Variants in PARD3 observed in about 807,000 individuals in gnomAD.
The protein encoded by PARD3 is partitioning defective 3 homolog.
Under a neutral mutation model 155.4 loss-of-function variants are expected in PARD3, and 75 were observed. The ratio of observed to expected loss-of-function variants is 0.48; its 90% CI spans 0.40 to 0.58. The LOEUF is 0.58. Among genes scored for constraint, PARD3 ranks in the 20% least tolerant of loss-of-function variants. PARD3 has a pLI of 0.00. For synonymous variants in PARD3, 576 were observed against 610.5 expected (o/e 0.94, Z 0.83); for missense variants, 1,642 against 1,721.7 (o/e 0.95, Z 0.82).
At chr10:34,546,978 C>T (rs1016835360) in intron 2 of PARD3, among the ~76,000 whole-genome samples, 1 of 152,186 alleles carries the variant, frequency 6.6e-6, no homozygotes, top group Non-Finnish European at 1.5e-5. Flanking sequence ...AAAAGCAATA[C>T]TTCTTAAATG....
intron 1 of PARD3, among the ~76,000 whole-genome samples, chr10:34,742,658 T>TA (rs1208233977): frequency 2.0e-5 from 3 of 152,252 alleles, no homozygotes; most frequent in Non-Finnish European, 4.4e-5. Context: ...AGGGTTGATC[T>TA]ACCCACATCC....
intron 23 of PARD3, among the ~76,000 whole-genome samples, chr10:34,127,525 G>C (rs143455343): frequency 7.9e-4 from 120 of 151,986 alleles, no homozygotes; most frequent in African/African-American, 2.8e-3. Context: ...TTTTCTTTTC[G>C]ATCTTTGTTC....
chr10:34,759,337 T>C (rs1176333103), intron 1 of PARD3, among the ~76,000 whole-genome samples: 2 of 152,200 alleles, frequency 1.3e-5, no homozygotes, highest in Non-Finnish European at 2.9e-5. Flanking sequence ...ATGTACATAA[T>C]ATTTAATCAA....
At position 34,348,092 on chromosome 10, in the gene PARD3, A is replaced by G. The variant is rs751785016; in HGVS notation, c.2091T>C (p.Pro697=). 14 of 1,610,382 alleles carry G rather than the reference A, an allele frequency of 8.7e-6. No individual in the cohort carries two copies. The East Asian group carries it at 2.7e-4, about 31-fold the overall frequency. ...CNELKSPGSP[P]GPELPIETAL... ...CTGTTTCAATGGGCAGCTCAGGTCC[A>G]GGGGGGCTCCCAGGTGACTTCAGCT... The change falls in exon 15 of 25, where the codon CCT becomes CCC. Residue 697 remains proline (P), a synonymous_variant. Coordinates refer to ENST00000374788, the MANE Select transcript of PARD3 (RefSeq NM_001184785.2).
chr10:34,378,741 A>G (rs770442290), intron 9 of PARD3, among the ~76,000 whole-genome samples: 6 of 152,202 alleles, frequency 3.9e-5, no homozygotes, highest in Admixed American at 6.5e-5. Context: ...CAAACAAGGC[A>G]AATTACTCAG....
intron 22 of PARD3, among the ~76,000 whole-genome samples, chr10:34,175,390 A>G (rs1221001290): frequency 3.3e-5 from 5 of 152,208 alleles, no homozygotes; most frequent in African/African-American, 1.2e-4. Context: ...TGCCTGTGTC[A>G]GAACCCAAAG....
chr10:34,372,392 C>CG, intron 12 of PARD3, 106 bp downstream of exon 12: 1 of 876,462 alleles, frequency 1.1e-6, no homozygotes, highest in South Asian at 1.4e-5. Context: ...TTAAATATTA[C>CG]GAGCCAGGAA....
chr10:34,481,034 T>C (rs1191870112), intron 3 of PARD3, among the ~76,000 whole-genome samples: 1 of 151,960 alleles, frequency 6.6e-6, no homozygotes, highest in African/African-American at 2.4e-5. Context: ...ACTCCTGACC[T>C]CAGGTGATCC....
intron 20 of PARD3, among the ~76,000 whole-genome samples, chr10:34,307,853 A>G (rs1329526818): frequency 6.6e-6 from 1 of 152,174 alleles, no homozygotes; most frequent in Non-Finnish European, 1.5e-5. Flanking sequence ...GTCAATGTCA[A>G]TGTATATTTA....
Position 34,425,503 on chromosome 10 carries a change from C to T in PARD3, c.715-23586G>A, listed in dbSNP as rs553686495. ...CTCGAACTCCTGGGCTCAAGGGATCCTCTCACTTCAGCCTTCCTAGCAGCT... is the reference window on the plus strand; with the variant it reads ...CTCGAACTCCTGGGCTCAAGGGATCTTCTCACTTCAGCCTTCCTAGCAGCT... On this transcript the variant is annotated intron_variant, in intron 5 of 24. Transcript: ENST00000374788. Among the ~76,000 whole-genome samples, 4 of 152,264 alleles carry T rather than the reference C, an allele frequency of 2.6e-5. No homozygotes were observed. In the South Asian group the frequency reaches 8.3e-4, roughly 32 times the overall value.
intron 22 of PARD3, among the ~76,000 whole-genome samples, chr10:34,166,118 T>C (rs376058857): frequency 6.6e-6 from 1 of 152,182 alleles, no homozygotes; most frequent in African/African-American, 2.4e-5. Context: ...GCTGATAAAA[T>C]ATGAAGCTTT....
In PARD3 at chr10:34,651,682, G is replaced by A. The variant is rs544805269; in HGVS notation, c.222+44636C>T. ...TACAGTATGCTGGTAAGAGACCCGA[G>A]CTTTGCAAAAACTGTATCATATTAG... is the stretch of plus-strand genomic sequence containing the variant. On this transcript the variant is annotated intron_variant, in intron 2 of 24. Transcript: ENST00000374788. Among the ~76,000 whole-genome samples, 78 of 152,304 alleles carry A rather than the reference G, an allele frequency of 5.1e-4. 1 individual carries two copies. The highest frequency in any genetic ancestry group is 3.5e-3 in the South Asian group (17 of 4,830).
chr10:34,237,850 G>A (rs1953335053), intron 22 of PARD3, among the ~76,000 whole-genome samples: 1 of 152,060 alleles, frequency 6.6e-6, no homozygotes, highest in South Asian at 2.1e-4. Flanking sequence ...CTCCTGGCTT[G>A]GCTTCACACT....
At chr10:34,685,596 CTT>C (rs11407073) in intron 2 of PARD3, among the ~76,000 whole-genome samples, 14 of 145,808 alleles carry the variant, frequency 9.6e-5, no homozygotes, top group Non-Finnish European at 1.5e-4. Context: ...TTCCCGCAAT[CTT>C]TTTTTTTTTT....
chr10:34,358,110 T>C (rs998245716), intron 14 of PARD3, among the ~76,000 whole-genome samples: 1 of 152,196 alleles, frequency 6.6e-6, no homozygotes, highest in African/African-American at 2.4e-5. Flanking sequence ...TAAGAAAAAC[T>C]TCACATTTTC....
intron 2 of PARD3, among the ~76,000 whole-genome samples, chr10:34,609,610 A>G (rs1057142267): frequency 2.6e-5 from 4 of 152,176 alleles, no homozygotes; most frequent in African/African-American, 9.7e-5. Context: ...GGGCACAATC[A>G]TAGCTCGCTG....
intron 20 of PARD3, among the ~76,000 whole-genome samples, chr10:34,306,237 C>T (rs11009723): frequency 0.015 from 2,155 of 146,626 alleles, 50 homozygotes; most frequent in African/African-American, 0.05. Flanking sequence ...GCTGAGATCG[C>T]GCCAGTGCAC....
At chr10:34,711,178 A>G (rs1458666311) in intron 1 of PARD3, among the ~76,000 whole-genome samples, 1 of 152,086 alleles carries the variant, frequency 6.6e-6, no homozygotes, top group African/African-American at 2.4e-5. Flanking sequence ...CCCCTAAAAA[A>G]AAGTAAAAAC....
intron 2 of PARD3, among the ~76,000 whole-genome samples, chr10:34,559,581 A>G (rs1314002049): frequency 2.0e-5 from 3 of 152,356 alleles, no homozygotes; most frequent in South Asian, 2.1e-4. Context: ...ACATGCCAAC[A>G]AAAGAGAAAA....
Sources: allele counts gnomAD v4.1 joint callset (sites outside exome capture counted in the v4.1 genomes callset), GRCh38; gene constraint gnomAD v4.1.1; transcripts MANE v1.5; gene names NCBI Gene and HGNC (gene_info 2026-07-23, HGNC 2026-07-21).